Variants in MIA2 observed in about 807,000 individuals in gnomAD.
MIA2 encodes MIA SH3 domain ER export factor 2.
Under a neutral mutation model 167.8 loss-of-function variants are expected in MIA2, and 127 were observed. The ratio of observed to expected loss-of-function variants is 0.76; its 90% CI spans 0.66 to 0.88. MIA2 has a LOEUF of 0.88. Among genes scored for constraint, MIA2 ranks in the 40% least tolerant of loss-of-function variants. The pLI, the probability that MIA2 is intolerant of heterozygous loss-of-function variation, is 0.00. For missense variants in MIA2, 1,690 were observed against 1,624.7 expected, an observed-to-expected ratio of 1.04 and a Z score of -0.69; for synonymous variants, 552 against 541.9, an observed-to-expected ratio of 1.02 and a Z score of -0.26.
At chr14:39,364,378 T>G (rs761214702) in intron 23 of MIA2, among the ~76,000 whole-genome samples, 1 of 151,916 alleles carries the variant, frequency 6.6e-6, no homozygotes, top group Non-Finnish European at 1.5e-5. Context: ...AAAAAAAAAT[T>G]GTTTTCTGGT....
chr14:39,315,826 C>A (rs2065309176), intron 21 of MIA2, 108 bp downstream of exon 21: 2 of 738,324 alleles, frequency 2.7e-6, no homozygotes, highest in Non-Finnish European at 4.2e-6. Context: ...TCTAAAAAAT[C>A]AGTTTCTTTT....
At chr14:39,235,287 G>C (rs1296373588) in intron 1 of MIA2, among the ~76,000 whole-genome samples, 1 of 151,962 alleles carries the variant, frequency 6.6e-6, no homozygotes, top group South Asian at 2.1e-4. Context: ...CTCCCAAAGT[G>C]CTAAGATTAC....
intron 14 of MIA2, among the ~76,000 whole-genome samples, chr14:39,301,047 C>CATATAT (rs1566820393): frequency 2.8e-3 from 12 of 4,316 alleles, no homozygotes; most frequent in Admixed American, 0.011. Context: ...CATACACACA[C>CATATAT]ACACACACAC....
intron 17 of MIA2, among the ~76,000 whole-genome samples, chr14:39,308,028 C>T (rs993221931): frequency 1.3e-5 from 2 of 152,114 alleles, no homozygotes; most frequent in African/African-American, 4.8e-5. Context: ...TGTTCTATAG[C>T]ACTGTAGAGT....
intron 17 of MIA2, among the ~76,000 whole-genome samples, chr14:39,307,324 T>G (rs1055828352): frequency 6.6e-5 from 10 of 151,510 alleles, no homozygotes; most frequent in Non-Finnish European, 1.2e-4. Context: ...AAATTGAAAA[T>G]TAGATGCTAG....
intron 23 of MIA2, chr14:39,370,434 G>C (rs548971061): frequency 1.2e-5 from 3 of 242,932 alleles, no homozygotes; most frequent in African/African-American, 6.9e-5. Context: ...TCTCCATTGA[G>C]GTATGCTTGT....
intron 14 of MIA2, among the ~76,000 whole-genome samples, 194 bp from the exon 15 acceptor site, chr14:39,301,934 CT>C (rs1339262504): frequency 6.6e-6 from 1 of 152,148 alleles, no homozygotes; most frequent in Non-Finnish European, 1.5e-5. Context: ...TTGGCTTTTA[CT>C]TGCAGAGTTT....
Position 39,314,772 on chromosome 14 carries a change from G to A in MIA2, c.3153G>A (p.Glu1051=), listed in dbSNP as rs1304277347. The A allele has an allele frequency of 1.9e-6, 3 of 1,606,188 alleles. No individual in the cohort carries two copies. The highest frequency in any genetic ancestry group is 2.2e-5 in the East Asian group (1 of 44,686). ...CCAAAGATCTTGAAGAAGAATTGGA[G>A]AGAACTATTCATTCTTATCAAGGGC... ...KRAKDLEEEL[E]RTIHSYQGQI... is the part of the protein sequence containing the mutation. The change falls in exon 20 of 29, where the codon GAG becomes GAA. Residue 1051 remains glutamate, a synonymous_variant. Coordinates refer to ENST00000640607, the MANE Select transcript of MIA2 (RefSeq NM_001329214.4).
At chr14:39,274,491 T>A (rs12888153) in intron 6 of MIA2, among the ~76,000 whole-genome samples, 4 of 148,908 alleles carry the variant, frequency 2.7e-5, no homozygotes, top group African/African-American at 4.9e-5. Context: ...TGCAGTGGCG[T>A]GTTCTTGGCT....
Position 39,285,810 on chromosome 14 carries a change from C to T in MIA2, c.2131-5209C>T, listed in dbSNP as rs577089667. Reference sequence around the variant, plus strand: ...GGGGCTCCTCACTTCTCAGATGGGGCGGCCGGGCAGAGACGCTCCTCACCT... The same window carrying T: ...GGGGCTCCTCACTTCTCAGATGGGGTGGCCGGGCAGAGACGCTCCTCACCT... On this transcript the variant is annotated intron_variant, in intron 9 of 28. Transcript: ENST00000640607. Among the ~76,000 whole-genome samples, 27 of 150,216 alleles carry T rather than the reference C, an allele frequency of 1.8e-4. 1 individual carries two copies. The South Asian group carries it at 4.4e-3, about 25-fold the overall frequency.
At chr14:39,240,895 A>G (rs2152611379) in intron 3 of MIA2, among the ~76,000 whole-genome samples, 1 of 152,316 alleles carries the variant, frequency 6.6e-6, no homozygotes, top group East Asian at 1.9e-4. Flanking sequence ...TGTTAAGAGC[A>G]TGGATTCTGG....
chr14:39,288,475 A>ATTTTTTTTT (rs1247369150), intron 9 of MIA2, among the ~76,000 whole-genome samples: 10 of 50,512 alleles, frequency 2.0e-4, no homozygotes, highest in East Asian at 1.5e-3. Context: ...ATATATATAT[A>ATTTTTTTTT]TTTTTTTTTT....
At chr14:39,340,275 G>T (rs1446209161) in intron 25 of MIA2, among the ~76,000 whole-genome samples, 1 of 152,184 alleles carries the variant, frequency 6.6e-6, no homozygotes, top group Non-Finnish European at 1.5e-5. Flanking sequence ...TGTAAGCATA[G>T]CAAAGAGACT....
chr14:39,298,328 TA>T (rs2061722116), intron 13 of MIA2, among the ~76,000 whole-genome samples: 1 of 150,314 alleles, frequency 6.7e-6, no homozygotes, highest in South Asian at 2.1e-4. Context: ...GTCTCTTTAC[TA>T]ACTCATGAGA....
intron 6 of MIA2, among the ~76,000 whole-genome samples, chr14:39,263,658 G>A (rs1417639706): frequency 7.8e-6 from 1 of 127,938 alleles, no homozygotes; most frequent in Non-Finnish European, 1.6e-5. Flanking sequence ...CTGAGACAGA[G>A]TTTCACTCAG....
chr14:39,259,339 G>A (rs915842319), intron 6 of MIA2, among the ~76,000 whole-genome samples: 7 of 151,912 alleles, frequency 4.6e-5, no homozygotes, highest in Admixed American at 1.3e-4. Flanking sequence ...AGTCCAGACC[G>A]CCCAGCCAAG....
intron 23 of MIA2, among the ~76,000 whole-genome samples, 154 bp from the exon 24 acceptor site, chr14:39,320,774 C>T (rs1408184497): frequency 6.6e-6 from 1 of 152,074 alleles, no homozygotes; most frequent in Non-Finnish European, 1.5e-5. Flanking sequence ...TAATTCTGTT[C>T]TATATTAGCA....
chr14:39,307,372 A>C (rs1383947855), intron 17 of MIA2, among the ~76,000 whole-genome samples: 1 of 151,054 alleles, frequency 6.6e-6, no homozygotes, highest in Non-Finnish European at 1.5e-5. Context: ...CCTATAAATA[A>C]TAACAAAAGT....
chr14:39,347,838 T>TTTTC (rs1555415318), intron 27 of MIA2, 67 bp downstream of exon 27: 13 of 1,346,912 alleles, frequency 9.7e-6, no homozygotes, highest in South Asian at 4.1e-5. Flanking sequence ...TTTTTTTTTT[T>TTTTC]TTTATGGAGT....
Sources: gnomAD v4.1 joint callset for allele counts (sites outside exome capture counted in the v4.1 genomes callset) on GRCh38, gnomAD v4.1.1 for gene constraint, MANE v1.5 for transcripts, NCBI Gene and HGNC (gene_info 2026-07-23, HGNC 2026-07-21) for gene names.